The following STON2 variants were observed in gnomAD, a reference collection of about 807,000 sequenced individuals.
The protein encoded by STON2 is stonin 2.
STON2 carries 29 observed loss-of-function variants against 65.7 expected under a neutral mutation model. That is an observed-to-expected ratio of 0.44 (90% CI 0.33 to 0.60). The LOEUF is 0.60. STON2 is among the 20% of genes least tolerant of loss of function. STON2 has a pLI of 0.03. For missense variants in STON2, 1,054 were observed against 1,118.1 expected (o/e 0.94, Z 0.82); for synonymous variants, 404 against 414.2 (o/e 0.98, Z 0.30).
At chr14:81,305,816 T>C (rs759578956) in intron 5 of STON2, among the ~76,000 whole-genome samples, 23 of 152,210 alleles carry the variant, frequency 1.5e-4, no homozygotes, top group Non-Finnish European at 2.8e-4. Context: ...CTGGTGGGAT[T>C]GTCAGTTAAG....
chr14:81,306,066 G>C (rs1445965394), intron 5 of STON2, among the ~76,000 whole-genome samples: 1 of 151,006 alleles, frequency 6.6e-6, no homozygotes, highest in Non-Finnish European at 1.5e-5. Context: ...CTTCAACTCT[G>C]TGAGCAGCCC....
At chr14:81,430,519 G>A (rs1902186000) in intron 1 of STON2, among the ~76,000 whole-genome samples, 2 of 152,140 alleles carry the variant, frequency 1.3e-5, no homozygotes, top group Non-Finnish European at 2.9e-5. Context: ...AGTTAGAGAG[G>A]CCACTTCAGG....
chr14:81,264,051 A>T lies in STON2; in HGVS notation c.*4363T>A. ...TGAAGACTGGTTGTGCACTCTATCA[A>T]ATGCTTTCTTTTCCTACTGACCATT... On this transcript the variant is annotated 3_prime_UTR_variant, in exon 8 of 8. Transcript: ENST00000614646. The T allele has an allele frequency of 1.0e-6, 1 of 985,432 alleles. No individual in the cohort carries two copies. Among genetic ancestry groups the T allele is most frequent in the Non-Finnish European group, 1.2e-6 (1 of 829,942 alleles). The allele number at this position is 985,432 out of a possible 1,614,324, so 61.0% of individuals were successfully genotyped here. A position where few individuals can be genotyped will look rare whatever the true frequency, so the allele number is the denominator to read the frequency against.
chr14:81,378,398 T>C (rs922557497), intron 3 of STON2, among the ~76,000 whole-genome samples: 4 of 151,782 alleles, frequency 2.6e-5, no homozygotes, highest in African/African-American at 9.7e-5. Flanking sequence ...CATATTTTCA[T>C]AGAGATGGGG....
intron 2 of STON2, among the ~76,000 whole-genome samples, chr14:81,425,196 G>C (rs1403609499): frequency 6.6e-6 from 1 of 152,214 alleles, no homozygotes; most frequent in African/African-American, 2.4e-5. Context: ...TTTAGAAACA[G>C]ATTCAGAATA....
chr14:81,346,723 G>A (rs72701738), intron 4 of STON2, among the ~76,000 whole-genome samples: 2 of 152,006 alleles, frequency 1.3e-5, no homozygotes, highest in African/African-American at 4.8e-5. Context: ...ATAATATCAA[G>A]TATCTTCTCA....
chr14:81,306,839 C>G (rs1378517999), intron 5 of STON2: 1 of 152,224 alleles, frequency 6.6e-6, no homozygotes, highest in Non-Finnish European at 1.5e-5. Context: ...GGACATTAAC[C>G]CTTTAACAAA....
At chr14:81,363,626 C>CAAA (rs5810025) in intron 4 of STON2, among the ~76,000 whole-genome samples, 1 of 147,380 alleles carries the variant, frequency 6.8e-6, no homozygotes, top group East Asian at 2.0e-4. Context: ...GATTTGTTTT[C>CAAA]AAAAAAAAAA....
rs1175021881 is a variant in STON2, at chr14:81,406,323, CTAGGG to C, written c.-198-7748_-198-7744del. 4.6e-5 allele frequency among the ~76,000 whole-genome samples: 7 copies of C among 152,242 alleles called. No homozygotes were observed. In the South Asian group the frequency reaches 1.5e-3, roughly 32 times the overall value. ...ACACAGGGCTTGGTTCTAGGCTTTG[CTAGGG>C]TAGCTTAAAGTAAATCTTACTCTAG... is the stretch of plus-strand genomic sequence containing the variant. On this transcript the variant is annotated intron_variant, in intron 2 of 8. Transcript: ENST00000553821.
At chr14:81,367,015 T>G (rs1206377679) in intron 4 of STON2, among the ~76,000 whole-genome samples, 2 of 152,106 alleles carry the variant, frequency 1.3e-5, no homozygotes, top group Admixed American at 6.5e-5. Context: ...GGTTTCGGTT[T>G]ACCCAACTGG....
intron 4 of STON2, among the ~76,000 whole-genome samples, chr14:81,357,183 G>T (rs1314811502): frequency 6.6e-6 from 1 of 151,176 alleles, no homozygotes; most frequent in Non-Finnish European, 1.5e-5. Context: ...AATCTACAAT[G>T]AACTCAAACA....
chr14:81,395,804 G>T, intron 3 of STON2, 90 bp downstream of exon 3: 1 of 1,355,732 alleles, frequency 7.4e-7, no homozygotes, highest in Non-Finnish European at 1.0e-6. Flanking sequence ...GGGGGCAGAT[G>T]AAATGGAATC....
Position 81,305,217 on chromosome 14 carries a change from T to C in STON2, c.742+18800A>G, listed in dbSNP as rs144076424. Among the ~76,000 whole-genome samples the C allele has an allele frequency of 2.1e-3, 315 of 152,378 alleles. 1 individual carries two copies. Among genetic ancestry groups the C allele is most frequent in the Admixed American group, 3.6e-3 (55 of 15,310 alleles). On this transcript the variant is annotated intron_variant, in intron 5 of 7. Transcript: ENST00000614646. ...AGAGCCAGGCTTCTATGAATATTCT[T>C]GCACATGCCTTTGATGCACACATGC...
intron 6 of STON2, among the ~76,000 whole-genome samples, chr14:81,273,164 C>G (rs1049721607): frequency 3.3e-5 from 5 of 152,186 alleles, no homozygotes; most frequent in African/African-American, 1.2e-4. Flanking sequence ...TTTACTCCAC[C>G]AAAGTGTACT....
intron 6 of STON2, among the ~76,000 whole-genome samples, chr14:81,275,058 C>A (rs1894757777): frequency 6.6e-6 from 1 of 152,042 alleles, no homozygotes; most frequent in Non-Finnish European, 1.5e-5. Context: ...CTTGATCAGT[C>A]TTTTCCTCAG....
chr14:81,361,269 G>C (rs1489570451), intron 4 of STON2, among the ~76,000 whole-genome samples: 1 of 152,090 alleles, frequency 6.6e-6, no homozygotes, highest in Non-Finnish European at 1.5e-5. Context: ...CAAGGATATA[G>C]AAACTAAAAG....
intron 5 of STON2, among the ~76,000 whole-genome samples, chr14:81,280,287 G>A (rs1895052488): frequency 6.6e-6 from 1 of 152,132 alleles, no homozygotes; most frequent in Non-Finnish European, 1.5e-5. Context: ...GGGAAGGGAG[G>A]GGAAATGAGG....
intron 4 of STON2, among the ~76,000 whole-genome samples, chr14:81,331,596 C>T (rs1464406221): frequency 2.0e-5 from 3 of 152,202 alleles, no homozygotes; most frequent in Admixed American, 6.5e-5. Context: ...ACCAATACAA[C>T]GAATGAACTT....
upstream of STON2, among the ~76,000 whole-genome samples, chr14:81,404,329 G>T (rs1394791168): frequency 2.0e-5 from 3 of 152,076 alleles, no homozygotes; most frequent in African/African-American, 7.2e-5. Context: ...ACTTTAAAGA[G>T]TATAAAAAGG....
Sources: allele counts gnomAD v4.1 joint callset (sites outside exome capture counted in the v4.1 genomes callset), GRCh38; gene constraint gnomAD v4.1.1; transcripts MANE v1.5; gene names NCBI Gene and HGNC (gene_info 2026-07-23, HGNC 2026-07-21).